The following ZNF385D variants were observed in gnomAD, a reference collection of about 807,000 sequenced individuals.
ZNF385D encodes zinc finger protein 659.
Under a neutral mutation model 35.8 loss-of-function variants are expected in ZNF385D, and 15 were observed. The observed-to-expected ratio is 0.42, with a 90% CI of 0.28 to 0.64. The LOEUF is 0.64. Ranked by LOEUF, ZNF385D falls within the 30% of genes least tolerant of loss-of-function variation. ZNF385D has a pLI of 0.23. For missense variants in ZNF385D, 474 were observed against 494.6 expected (o/e 0.96, Z 0.39); for synonymous variants, 212 against 186.8 (o/e 1.13, Z -1.10).
At chr3:21,973,509 G>A (rs975956042) in intron 3 of ZNF385D, among the ~76,000 whole-genome samples, 1 of 151,930 alleles carries the variant, frequency 6.6e-6, no homozygotes, top group African/African-American at 2.4e-5. Context: ...GATCTGGGAT[G>A]AGACAAGGAT....
intron 3 of ZNF385D, among the ~76,000 whole-genome samples, chr3:21,996,870 C>T (rs1695497193): frequency 6.6e-6 from 1 of 152,180 alleles, no homozygotes; most frequent in South Asian, 2.1e-4. Flanking sequence ...TAATTTATTG[C>T]TTCTCTGCCC....
At chr3:21,487,772 T>C (rs142928061) in intron 4 of ZNF385D, among the ~76,000 whole-genome samples, 44 of 152,216 alleles carry the variant, frequency 2.9e-4, no homozygotes, top group African/African-American at 9.9e-4. Flanking sequence ...TGTGTAACTT[T>C]GGGCAAGTAC....
intron 3 of ZNF385D, among the ~76,000 whole-genome samples, chr3:21,926,129 G>T (rs1700713802): frequency 6.9e-6 from 1 of 145,716 alleles, no homozygotes; most frequent in African/African-American, 2.4e-5. Flanking sequence ...TTGGATATTT[G>T]CCCTCTCCAA....
At chr3:21,789,486 T>C (rs2071834793) in intron 3 of ZNF385D, among the ~76,000 whole-genome samples, 1 of 152,188 alleles carries the variant, frequency 6.6e-6, no homozygotes, top group African/African-American at 2.4e-5. Flanking sequence ...TGGGCATGTG[T>C]TCATTTGTTA....
intron 3 of ZNF385D, among the ~76,000 whole-genome samples, chr3:21,832,122 T>C (rs181811285): frequency 3.9e-5 from 6 of 152,338 alleles, no homozygotes; most frequent in African/African-American, 9.6e-5. Context: ...TTAAAGTTCA[T>C]ATTTTTTAAA....
intron 1 of ZNF385D, among the ~76,000 whole-genome samples, chr3:21,672,967 C>A (rs945893245): frequency 6.6e-6 from 1 of 152,068 alleles, no homozygotes; most frequent in African/African-American, 2.4e-5. Flanking sequence ...CCCCAAATAT[C>A]CCTCTGTACT....
At chr3:21,445,720 C>T (rs763751162) in intron 4 of ZNF385D, among the ~76,000 whole-genome samples, 12 of 152,214 alleles carry the variant, frequency 7.9e-5, no homozygotes, top group South Asian at 4.1e-4. Context: ...TTGATAAACA[C>T]GGATGCTGCT....
chr3:22,261,878 A>G (rs1251858699), intron 2 of ZNF385D, among the ~76,000 whole-genome samples: 3 of 151,886 alleles, frequency 2.0e-5, no homozygotes, highest in South Asian at 2.1e-4. Flanking sequence ...ATTCTAGCCT[A>G]TGGTACTTTC....
chr3:21,592,567 A>C lies in ZNF385D; in HGVS notation c.166-27883T>G, dbSNP rs199662735. ...GCAAAAAAAAAAAACCAAAAACAAA[A>C]AAAAAAAACAATTATTGCATTATGT... On this transcript the variant is annotated intron_variant, in intron 2 of 7. Transcript: ENST00000281523. 5.2e-3 allele frequency among the ~76,000 whole-genome samples: 736 copies of C among 140,790 alleles called. 14 individuals carry two copies. The highest frequency in any genetic ancestry group is 0.016 in the African/African-American group (612 of 38,446). The allele number at this position is 140,790 out of a possible 152,430, so 92.4% of individuals were successfully genotyped here.
intron 2 of ZNF385D, among the ~76,000 whole-genome samples, chr3:22,172,638 G>A (rs542042259): frequency 6.6e-6 from 1 of 152,180 alleles, no homozygotes; most frequent in East Asian, 1.9e-4. Flanking sequence ...ACCTAATTAA[G>A]AATCAAAAGT....
intron 3 of ZNF385D, among the ~76,000 whole-genome samples, chr3:21,535,217 TATGA>T (rs930472997): frequency 6.6e-6 from 1 of 152,134 alleles, no homozygotes; most frequent in African/African-American, 2.4e-5. Context: ...TTACTCTAGG[TATGA>T]ATGATCAATT....
chr3:22,290,421 G>A (rs1282038297), intron 2 of ZNF385D, among the ~76,000 whole-genome samples: 1 of 152,114 alleles, frequency 6.6e-6, no homozygotes, highest in East Asian at 1.9e-4. Flanking sequence ...TCCTCTCATT[G>A]AGAAATGTAG....
upstream of ZNF385D, among the ~76,000 whole-genome samples, chr3:21,751,647 TAA>T (rs752135851): frequency 1.3e-5 from 2 of 152,028 alleles, no homozygotes; most frequent in Non-Finnish European, 2.9e-5. Context: ...TGTTTATATA[TAA>T]GAGGAATAAA....
chr3:21,959,937 C>A (rs1702491892), intron 3 of ZNF385D, among the ~76,000 whole-genome samples: 1 of 149,826 alleles, frequency 6.7e-6, no homozygotes, highest in Admixed American at 6.7e-5. Flanking sequence ...AACTATAAAA[C>A]TGCTAAAAGA....
At position 21,999,796 on chromosome 3, in the gene ZNF385D, A is replaced by C. The variant is rs542419494; in HGVS notation, c.325+169021T>G. 2.0e-4 allele frequency among the ~76,000 whole-genome samples: 30 copies of C among 152,000 alleles called. No homozygotes were observed. The East Asian group carries it at 5.8e-3, about 29-fold the overall frequency. On this transcript the variant is annotated intron_variant, in intron 3 of 5. Transcript: ENST00000494108. Reference sequence around the variant, plus strand: ...AAAAAAAAAAAAAATAATAATAATGAAAAACAAAAAGTGATGAAGAAAAAC... The same window carrying C: ...AAAAAAAAAAAAAATAATAATAATGCAAAACAAAAAGTGATGAAGAAAAAC...
intron 2 of ZNF385D, among the ~76,000 whole-genome samples, chr3:21,652,417 A>T (rs563694580): frequency 6.6e-6 from 1 of 152,320 alleles, no homozygotes; most frequent in Non-Finnish European, 1.5e-5. Context: ...TACTGGCTGG[A>T]TCCCAAACTA....
chr3:22,185,404 A>G lies in ZNF385D; in HGVS notation c.107-16369T>C, dbSNP rs570567292. Among the ~76,000 whole-genome samples, 54 of 152,316 alleles carry G rather than the reference A, an allele frequency of 3.5e-4. 1 individual carries two copies. The highest frequency in any genetic ancestry group is 1.6e-3 in the Admixed American group (25 of 15,288). ...AATTTTATGCGCAAAAACCATGGAC[A>G]GTGGCAATCTCTTTTTCCTAAAACA... On this transcript the variant is annotated intron_variant, in intron 2 of 5. Coordinates refer to the ZNF385D transcript ENST00000494108.
At chr3:21,926,555 T>C (rs1391757301) in intron 3 of ZNF385D, among the ~76,000 whole-genome samples, 1 of 152,174 alleles carries the variant, frequency 6.6e-6, no homozygotes, top group Non-Finnish European at 1.5e-5. Flanking sequence ...TTGGGTTGGT[T>C]CCAAGTCTTT....
chr3:22,041,869 C>T (rs1011675600), intron 3 of ZNF385D, among the ~76,000 whole-genome samples: 11 of 151,890 alleles, frequency 7.2e-5, no homozygotes, highest in African/African-American at 2.7e-4. Flanking sequence ...ACAGTTCAAT[C>T]AGGTTATAAT....
Sources: allele counts gnomAD v4.1 joint callset (sites outside exome capture counted in the v4.1 genomes callset), GRCh38; gene constraint gnomAD v4.1.1; transcripts MANE v1.5; gene names NCBI Gene and HGNC (gene_info 2026-07-23, HGNC 2026-07-21).